Variants in NARS2 observed in about 807,000 individuals in gnomAD.
The protein encoded by NARS2 is asparaginyl-tRNA synthetase 2, mitochondrial.
A neutral mutation model predicts 62.9 loss-of-function variants in NARS2; 60 were observed. The observed-to-expected ratio is 0.95, with a 90% CI of 0.77 to 1.18. NARS2 has a LOEUF of 1.18. Among genes scored for constraint, NARS2 ranks in the 50% most tolerant of loss-of-function variants. The pLI, the probability that NARS2 is intolerant of heterozygous loss-of-function variation, is 0.00. For synonymous variants in NARS2, 196 were observed against 200.0 expected (o/e 0.98, Z 0.17); for missense variants, 619 against 576.4 (o/e 1.07, Z -0.76).
intron 6 of NARS2, among the ~76,000 whole-genome samples, chr11:78,515,987 T>C (rs1860896219): frequency 6.6e-6 from 1 of 152,244 alleles, no homozygotes; most frequent in Non-Finnish European, 1.5e-5. Flanking sequence ...GTCTTCCCTG[T>C]ACTAAACATA....
chr11:78,561,300 C>T (rs988523549), intron 4 of NARS2, among the ~76,000 whole-genome samples: 9 of 151,962 alleles, frequency 5.9e-5, no homozygotes, highest in Non-Finnish European at 8.8e-5. Context: ...AAAGTGAAAG[C>T]GGGTGGGGGA....
intron 5 of NARS2, among the ~76,000 whole-genome samples, chr11:78,531,908 G>A (rs1251816203): frequency 6.6e-6 from 1 of 152,170 alleles, no homozygotes; most frequent in East Asian, 1.9e-4. Flanking sequence ...AATGGGCACA[G>A]GGTTTTCTTC....
intron 11 of NARS2, among the ~76,000 whole-genome samples, chr11:78,459,120 G>C (rs1565211213): frequency 6.6e-6 from 1 of 151,784 alleles, no homozygotes; most frequent in Non-Finnish European, 1.5e-5. Flanking sequence ...TCACCTTGTT[G>C]GTCAGGCTGG....
rs74997774 is a variant in NARS2 at position 78,449,764 on chromosome 11, T to C, written c.1165-6006A>G. ...AAGCATAACTAGCCTCTACCCACTA[T>C]AGGCCAGTTATACTCCCCTTGTTGT... On this transcript the variant is annotated intron_variant, in intron 11 of 13. Coordinates refer to ENST00000281038, the MANE Select transcript of NARS2 (RefSeq NM_024678.6). 7.7e-3 allele frequency among the ~76,000 whole-genome samples: 1,167 copies of C among 152,302 alleles called. 34 individuals are homozygous for C. The East Asian group carries it at 0.085, about 11-fold the overall frequency.
At chr11:78,467,237 A>G (rs1013881868) in intron 10 of NARS2, among the ~76,000 whole-genome samples, 5 of 152,230 alleles carry the variant, frequency 3.3e-5, no homozygotes, top group East Asian at 1.9e-4. Context: ...CTCTGGACCT[A>G]TATCATTGCC....
chr11:78,441,849 A>G (rs1389149258), intron 12 of NARS2, among the ~76,000 whole-genome samples: 2 of 152,244 alleles, frequency 1.3e-5, no homozygotes, highest in African/African-American at 2.4e-5. Context: ...CTGCCTTCAT[A>G]ATATGGTTGC....
intron 11 of NARS2, among the ~76,000 whole-genome samples, chr11:78,455,440 T>C (rs1054097002): frequency 6.6e-6 from 1 of 152,170 alleles, no homozygotes; most frequent in African/African-American, 2.4e-5. Context: ...TATACAGTTC[T>C]ATAAATTTTC....
intron 6 of NARS2, among the ~76,000 whole-genome samples, chr11:78,517,982 A>G (rs1860974491): frequency 6.6e-6 from 1 of 152,214 alleles, no homozygotes; most frequent in African/African-American, 2.4e-5. Context: ...CGGTTATATA[A>G]TTTCCATGAA....
At chr11:78,490,097 T>C (rs1859752962) in intron 7 of NARS2, among the ~76,000 whole-genome samples, 1 of 152,132 alleles carries the variant, frequency 6.6e-6, no homozygotes, top group Non-Finnish European at 1.5e-5. Context: ...ACATAAATAT[T>C]TACGGCAACT....
At chr11:78,550,660 G>A (rs895909012) in intron 5 of NARS2, among the ~76,000 whole-genome samples, 10 of 152,016 alleles carry the variant, frequency 6.6e-5, no homozygotes, top group Admixed American at 1.3e-4. Context: ...AAAATGCTGC[G>A]GCCACTCCGA....
At chr11:78,460,568 T>C (rs912985013) in intron 11 of NARS2, among the ~76,000 whole-genome samples, 1 of 152,096 alleles carries the variant, frequency 6.6e-6, no homozygotes, top group Non-Finnish European at 1.5e-5. Flanking sequence ...ATGTGAGAGA[T>C]ATTTAGGAGC....
At chr11:78,560,058 C>T (rs758549632) in intron 4 of NARS2, among the ~76,000 whole-genome samples, 3 of 152,124 alleles carry the variant, frequency 2.0e-5, no homozygotes, top group Non-Finnish European at 2.9e-5. Context: ...ATGCTGCCCA[C>T]GTTGCTAGAG....
chr11:78,503,836 G>T (rs1455720134), intron 6 of NARS2, among the ~76,000 whole-genome samples: 2 of 152,162 alleles, frequency 1.3e-5, no homozygotes, highest in Non-Finnish European at 2.9e-5. Flanking sequence ...GGAGGAGTAA[G>T]AAGGAGGAGG....
chr11:78,514,461 T>C (rs1860833101), intron 6 of NARS2, among the ~76,000 whole-genome samples: 2 of 152,130 alleles, frequency 1.3e-5, no homozygotes. Context: ...GCCTAACACA[T>C]CTCACTACAG....
intron 6 of NARS2, among the ~76,000 whole-genome samples, chr11:78,498,058 G>A (rs1228004716): frequency 6.6e-6 from 1 of 152,100 alleles, no homozygotes; most frequent in East Asian, 1.9e-4. Context: ...ACCATCTGAG[G>A]AGATGACATG....
At chr11:78,508,663 A>G (rs764204339) in intron 6 of NARS2, among the ~76,000 whole-genome samples, 7 of 152,152 alleles carry the variant, frequency 4.6e-5, no homozygotes, top group Non-Finnish European at 8.8e-5. Context: ...CTGATGAAAG[A>G]TATGAATGTA....
intron 7 of NARS2, among the ~76,000 whole-genome samples, chr11:78,485,495 T>C (rs1018056320): frequency 6.6e-6 from 1 of 152,170 alleles, no homozygotes; most frequent in East Asian, 1.9e-4. Flanking sequence ...ACTAGTCAAC[T>C]TGATTAATAA....
At chr11:78,464,196 C>T (rs75070539) in intron 11 of NARS2, among the ~76,000 whole-genome samples, 1,758 of 151,474 alleles carry the variant, frequency 0.012, 25 homozygotes, top group African/African-American at 0.041. Context: ...CTTCATTCCT[C>T]CCGGTGGGCT....
chr11:78,528,981 G>A (rs761143836), intron 5 of NARS2, 45 bp from the exon 6 acceptor site: 1 of 1,286,798 alleles, frequency 7.8e-7, no homozygotes, highest in South Asian at 1.2e-5. Flanking sequence ...TAAATGTTTT[G>A]CTTTGCATTT....
Sources: allele counts gnomAD v4.1 joint callset (sites outside exome capture counted in the v4.1 genomes callset), GRCh38; gene constraint gnomAD v4.1.1; transcripts MANE v1.5; gene names NCBI Gene and HGNC (gene_info 2026-07-23, HGNC 2026-07-21).